MACROD2: variants seen among roughly 807,000 people sequenced by gnomAD.
The protein encoded by MACROD2 is ADP-ribose glycohydrolase MACROD2.
MACROD2 carries 36 observed loss-of-function variants against 70.4 expected under a neutral mutation model. The observed-to-expected ratio is 0.51, with a 90% CI of 0.39 to 0.68. The LOEUF is 0.68. Ranked by LOEUF, MACROD2 falls within the 30% of genes least tolerant of loss-of-function variation. The probability of loss-of-function intolerance (pLI) is 0.00; values close to 1 mark genes in which losing one functional copy is unlikely to be tolerated. For missense variants in MACROD2, 496 were observed against 538.4 expected (o/e 0.92, Z 0.78); for synonymous variants, 172 against 178.8 (o/e 0.96, Z 0.30).
Position 14,727,870 on chromosome 20 carries a change from T to C in MACROD2, c.418+42911T>C, listed in dbSNP as rs1357529700. Among the ~76,000 whole-genome samples, 7 of 152,306 alleles carry C rather than the reference T, an allele frequency of 4.6e-5. No individual in the cohort carries two copies. The East Asian group carries it at 1.3e-3, about 29-fold the overall frequency. ...CCATTTCACTCTGAGATATTATTAT[T>C]ACTTTTCCTGGCTACTTTATATTAG... is the stretch of plus-strand genomic sequence containing the variant. On this transcript the variant is annotated intron_variant, in intron 5 of 17. Coordinates refer to ENST00000684519, the MANE Select transcript of MACROD2 (RefSeq NM_001351661.2).
At chr20:15,553,114 C>G (rs73100235) in intron 8 of MACROD2, among the ~76,000 whole-genome samples, 3 of 152,130 alleles carry the variant, frequency 2.0e-5, no homozygotes, top group Non-Finnish European at 2.9e-5. Flanking sequence ...TATTAACAGG[C>G]AACTGGTAAA....
intron 3 of MACROD2, among the ~76,000 whole-genome samples, chr20:14,214,196 G>A (rs1190289663): frequency 6.6e-6 from 1 of 152,124 alleles, no homozygotes; most frequent in East Asian, 1.9e-4. Flanking sequence ...TACGCTTTGA[G>A]AAATTGCTGA....
rs1359251899 is a variant in MACROD2 at position 15,121,525 on chromosome 20, A to AG, written c.419-108415_419-108414insG. On this transcript the variant is annotated intron_variant, in intron 5 of 17. Transcript: ENST00000684519. ...TGAAACTCTGCCTCAAAAAAAAAAA[A>AG]AAAAAGAAAAAAGAAAGAAAATGCC... Among the ~76,000 whole-genome samples the AG allele has an allele frequency of 3.2e-3, 482 of 151,428 alleles. 7 individuals carry two copies. Among genetic ancestry groups the AG allele is most frequent in the African/African-American group, 0.011 (438 of 41,250 alleles).
rs2071477273 is a variant in MACROD2 at position 14,722,138 on chromosome 20, A to AT, written c.418+37185dup. ...TTCAAGACTTCTTCATAAGACTCTC[A>AT]TTTTTTGATGATCAGTGAGAGATAA... is the stretch of plus-strand genomic sequence containing the variant. On this transcript the variant is annotated intron_variant, in intron 5 of 17. Transcript: ENST00000684519. Among the ~76,000 whole-genome samples, 2 of 152,152 alleles carry AT rather than the reference A, an allele frequency of 1.3e-5. 1 individual carries two copies. The highest frequency in any genetic ancestry group is 4.1e-4 in the South Asian group (2 of 4,828).
chr20:14,129,334 G>A (rs1488020960), intron 3 of MACROD2, among the ~76,000 whole-genome samples: 2 of 152,194 alleles, frequency 1.3e-5, no homozygotes, highest in Non-Finnish European at 2.9e-5. Context: ...CGTGGAAATA[G>A]CAAGAATATT....
intron 2 of MACROD2, among the ~76,000 whole-genome samples, chr20:14,055,979 A>G (rs772720187): frequency 2.0e-5 from 3 of 152,042 alleles, no homozygotes; most frequent in Non-Finnish European, 4.4e-5. Context: ...AGAACCCCAG[A>G]CTGTGTTACC....
At chr20:14,643,316 G>T (rs575862121) in intron 4 of MACROD2, among the ~76,000 whole-genome samples, 1 of 152,266 alleles carries the variant, frequency 6.6e-6, no homozygotes, top group Non-Finnish European at 1.5e-5. Flanking sequence ...AGAACTTGTT[G>T]GTTGAGTGAT....
At chr20:15,200,660 G>C (rs955016077) in intron 5 of MACROD2, among the ~76,000 whole-genome samples, 1 of 152,166 alleles carries the variant, frequency 6.6e-6, no homozygotes, top group Non-Finnish European at 1.5e-5. Context: ...ATGGCACAAG[G>C]CATGATCCCG....
At chr20:15,646,777 GCT>G (rs2049552634) in intron 8 of MACROD2, among the ~76,000 whole-genome samples, 1 of 152,150 alleles carries the variant, frequency 6.6e-6, no homozygotes. Context: ...AAGGTGCCTT[GCT>G]TCTCCTTCGC....
chr20:14,848,059 C>T lies in MACROD2; in HGVS notation c.418+163100C>T, dbSNP rs563761682. Among the ~76,000 whole-genome samples, 6 of 152,204 alleles carry T rather than the reference C, an allele frequency of 3.9e-5. 1 individual carries two copies. The highest frequency in any genetic ancestry group is 4.1e-4 in the South Asian group (2 of 4,830). ...TAATTGCCAATGAAGAGTGTTCTTTCTTCTCACTACAGATGAAATACAAGA... is the reference window on the plus strand; with the variant it reads ...TAATTGCCAATGAAGAGTGTTCTTTTTTCTCACTACAGATGAAATACAAGA... On this transcript the variant is annotated intron_variant, in intron 5 of 17. Transcript: ENST00000684519.
In MACROD2 at chr20:15,638,888, C is replaced by T. The variant is rs184762621; in HGVS notation, c.645+139041C>T. On this transcript the variant is annotated intron_variant, in intron 8 of 17. Coordinates refer to ENST00000684519, the MANE Select transcript of MACROD2 (RefSeq NM_001351661.2). ...TTATTTGGAAATTTTTGACTCCATC[C>T]GGAACAGAGTTGAAATATTCAGGTC... 2.8e-3 allele frequency among the ~76,000 whole-genome samples: 423 copies of T among 152,236 alleles called. 2 individuals are homozygous for T. Among genetic ancestry groups the T allele is most frequent in the African/African-American group, 9.4e-3 (392 of 41,522 alleles).
chr20:14,940,523 G>A (rs2074381131), intron 5 of MACROD2, among the ~76,000 whole-genome samples: 1 of 152,148 alleles, frequency 6.6e-6, no homozygotes, highest in South Asian at 2.1e-4. Flanking sequence ...TCAGTACAAT[G>A]GTAGCTGTGG....
At chr20:14,030,630 G>A (rs1263627273) in intron 2 of MACROD2, among the ~76,000 whole-genome samples, 3 of 151,976 alleles carry the variant, frequency 2.0e-5, no homozygotes, top group African/African-American at 4.8e-5. Flanking sequence ...GGCTGGTCTC[G>A]AACTCCTGAC....
chr20:14,264,159 C>G (rs1335148745), intron 3 of MACROD2, among the ~76,000 whole-genome samples: 1 of 60,484 alleles, frequency 1.7e-5, no homozygotes, highest in Non-Finnish European at 3.1e-5. Context: ...CATTTCATTT[C>G]TAGACAAGAA....
At chr20:14,613,746 G>A (rs1028341141) in intron 4 of MACROD2, among the ~76,000 whole-genome samples, 2 of 151,970 alleles carry the variant, frequency 1.3e-5, no homozygotes, top group Non-Finnish European at 2.9e-5. Flanking sequence ...TGGAATGATA[G>A]GAGTTTTAAA....
chr20:15,172,522 G>C (rs1019913125), intron 5 of MACROD2, among the ~76,000 whole-genome samples: 2 of 152,220 alleles, frequency 1.3e-5, no homozygotes, highest in African/African-American at 4.8e-5. Context: ...GAGTGGCTGG[G>C]ACTATTGGCG....
chr20:15,526,767 C>T (rs377608090), intron 8 of MACROD2, among the ~76,000 whole-genome samples: 9 of 152,138 alleles, frequency 5.9e-5, no homozygotes, highest in African/African-American at 2.2e-4. Context: ...CTTTTTTTGG[C>T]CAGGATGGCT....
intron 8 of MACROD2, among the ~76,000 whole-genome samples, chr20:15,590,982 AAGAAG>A (rs958573129): frequency 2.0e-5 from 3 of 151,742 alleles, no homozygotes; most frequent in African/African-American, 7.2e-5. Context: ...AAAGAAAGAA[AAGAAG>A]AGAGAGAGAG....
At chr20:14,655,495 G>A (rs1985925772) in intron 4 of MACROD2, among the ~76,000 whole-genome samples, 1 of 151,828 alleles carries the variant, frequency 6.6e-6, no homozygotes, top group African/African-American at 2.4e-5. Flanking sequence ...TGTTTGGTCG[G>A]GTCTTGGTGT....
Sources: gnomAD v4.1 joint callset for allele counts (sites outside exome capture counted in the v4.1 genomes callset) on GRCh38, gnomAD v4.1.1 for gene constraint, MANE v1.5 for transcripts, NCBI Gene and HGNC (gene_info 2026-07-23, HGNC 2026-07-21) for gene names.